C9: variants seen among roughly 807,000 people sequenced by gnomAD.
C9 encodes the protein complement component C9.
Under a neutral mutation model 65.4 loss-of-function variants are expected in C9, and 63 were observed. The ratio of observed to expected loss-of-function variants is 0.96; its 90% CI spans 0.79 to 1.19. The LOEUF (loss-of-function observed/expected upper bound fraction) is 1.19, where lower values mean the gene tolerates loss of function less well. C9 is among the 50% of genes most tolerant of loss of function. The pLI is 0.00. For synonymous variants in C9, 229 were observed against 227.9 expected, an observed-to-expected ratio of 1.00 and a Z score of -0.04; for missense variants, 744 against 670.1, an observed-to-expected ratio of 1.11 and a Z score of -1.22.
intron 1 of C9, among the ~76,000 whole-genome samples, chr5:39,347,874 C>T (rs2111968133): frequency 6.6e-6 from 1 of 151,946 alleles, no homozygotes; most frequent in South Asian, 2.1e-4. Context: ...CACACATCTA[C>T]AACTATCTGA....
At chr5:39,363,707 T>C (rs891744024) in intron 1 of C9, among the ~76,000 whole-genome samples, 1 of 152,194 alleles carries the variant, frequency 6.6e-6, no homozygotes, top group African/African-American at 2.4e-5. Context: ...AGGTACAGTG[T>C]AGCTGTTCAA....
At chr5:39,337,986 G>T (rs1324727311) in intron 4 of C9, among the ~76,000 whole-genome samples, 4 of 152,178 alleles carry the variant, frequency 2.6e-5, no homozygotes, top group African/African-American at 9.7e-5. Flanking sequence ...GCTATGATTA[G>T]GGAGTGTACT....
At chr5:39,307,364 T>C (rs1753400351) in intron 8 of C9, among the ~76,000 whole-genome samples, 1 of 152,200 alleles carries the variant, frequency 6.6e-6, no homozygotes, top group Non-Finnish European at 1.5e-5. Flanking sequence ...AGATAATTTT[T>C]GTCATCCCCT....
intron 5 of C9, among the ~76,000 whole-genome samples, chr5:39,320,631 A>G (rs1034686296): frequency 1.3e-5 from 2 of 151,914 alleles, no homozygotes; most frequent in Non-Finnish European, 2.9e-5. Flanking sequence ...AATGACAGCA[A>G]GTTTCCCCAA....
At chr5:39,289,533 C>T (rs955160558) in intron 9 of C9, among the ~76,000 whole-genome samples, 1 of 151,636 alleles carries the variant, frequency 6.6e-6, no homozygotes, top group Non-Finnish European at 1.5e-5. Context: ...GAGATTCCTC[C>T]AGAATAGAAA....
chr5:39,339,729 G>A (rs1754037982), intron 4 of C9, among the ~76,000 whole-genome samples: 2 of 139,878 alleles, frequency 1.4e-5, no homozygotes, highest in Middle Eastern at 3.8e-3. Context: ...GCATGATCTC[G>A]GCTCACTGCA....
At chr5:39,286,314 T>A (rs973991552) in intron 10 of C9, among the ~76,000 whole-genome samples, 2 of 151,948 alleles carry the variant, frequency 1.3e-5, no homozygotes, top group Non-Finnish European at 2.9e-5. Flanking sequence ...CACTAAGTAC[T>A]GAAGAAAGCA....
chr5:39,314,227 A>C (rs1214668207), intron 6 of C9, among the ~76,000 whole-genome samples: 1 of 152,128 alleles, frequency 6.6e-6, no homozygotes, highest in Non-Finnish European at 1.5e-5. Flanking sequence ...AGACGGGTGG[A>C]TCACCTGAGG....
intron 4 of C9, among the ~76,000 whole-genome samples, chr5:39,337,944 T>A (rs1754000841): frequency 6.6e-6 from 1 of 152,226 alleles, no homozygotes; most frequent in East Asian, 1.9e-4. Flanking sequence ...TTGTCCAGAA[T>A]GAATTGGGTA....
chr5:39,334,951 C>T (rs572966744), intron 4 of C9, among the ~76,000 whole-genome samples: 1 of 148,914 alleles, frequency 6.7e-6, no homozygotes, highest in Non-Finnish European at 1.5e-5. Context: ...ACATGGGAGA[C>T]TTTTCATTTT....
intron 7 of C9, 131 bp downstream of exon 7, chr5:39,311,006 G>T: frequency 1.0e-6 from 1 of 996,120 alleles, no homozygotes; most frequent in Non-Finnish European, 1.6e-6. Context: ...AGGGCAGGAA[G>T]AGAGTCCTCT....
At chr5:39,311,759 T>C (rs759022010) in intron 6 of C9, among the ~76,000 whole-genome samples, 4 of 152,110 alleles carry the variant, frequency 2.6e-5, no homozygotes, top group Non-Finnish European at 5.9e-5. Context: ...TCAGAATAGC[T>C]TAAAATTGAA....
chr5:39,285,655 C>T (rs13169334), intron 10 of C9, among the ~76,000 whole-genome samples: 19 of 151,492 alleles, frequency 1.3e-4, no homozygotes, highest in Middle Eastern at 3.2e-3. Flanking sequence ...ACCATGGCTG[C>T]TTTTGTTTAA....
Position 39,316,048 on chromosome 5 carries a change from G to A in C9, c.616-19C>T, listed in dbSNP as rs1321413974. 5 of 1,601,690 alleles carry A rather than the reference G, an allele frequency of 3.1e-6. No individual in the cohort carries two copies. Among genetic ancestry groups the A allele is most frequent in the South Asian group, 1.1e-5 (1 of 90,026 alleles). On this transcript the variant is annotated intron_variant, in intron 5 of 10. Coordinates refer to ENST00000263408, the MANE Select transcript of C9 (RefSeq NM_001737.5). ...CTTTGGTCTAAAAGAGAATAAAAAA[G>A]TGTTGTTAAAAACAAGATACGAAAC...
intron 9 of C9, among the ~76,000 whole-genome samples, chr5:39,302,564 TA>T (rs1561335216): frequency 6.6e-6 from 1 of 152,148 alleles, no homozygotes; most frequent in East Asian, 1.9e-4. Context: ...TCATAACTGC[TA>T]ACAGTTACAC....
intron 9 of C9, among the ~76,000 whole-genome samples, chr5:39,292,389 C>A (rs766378352): frequency 1.3e-5 from 2 of 151,046 alleles, no homozygotes; most frequent in Admixed American, 6.6e-5. Flanking sequence ...GAATTTTATA[C>A]CTAATGAAAT....
chr5:39,363,623 A>C (rs1317975861), intron 1 of C9, among the ~76,000 whole-genome samples: 1 of 152,204 alleles, frequency 6.6e-6, no homozygotes, highest in African/African-American at 2.4e-5. Context: ...TGAATTATAC[A>C]GGTCGATGTC....
intron 7 of C9, 111 bp downstream of exon 7, chr5:39,311,026 A>G: frequency 8.5e-7 from 1 of 1,179,432 alleles, no homozygotes; most frequent in Non-Finnish European, 1.3e-6. Flanking sequence ...TCAAAGGAGC[A>G]GGTTACAGGG....
At chr5:39,339,651 C>CTTTTTTT (rs550624256) in intron 4 of C9, among the ~76,000 whole-genome samples, 1 of 57,492 alleles carries the variant, frequency 1.7e-5, no homozygotes, top group Non-Finnish European at 3.0e-5. Context: ...TCTTTTCTCT[C>CTTTTTTT]TTTTTTTTTT....
Sources: allele counts gnomAD v4.1 joint callset (sites outside exome capture counted in the v4.1 genomes callset), GRCh38; gene constraint gnomAD v4.1.1; transcripts MANE v1.5; gene names NCBI Gene and HGNC (gene_info 2026-07-23, HGNC 2026-07-21).